Variants in ATP4A observed in about 807,000 individuals in gnomAD.
The protein encoded by ATP4A is ATPase H+/K+ transporting subunit alpha.
ATP4A carries 73 observed loss-of-function variants against 112.1 expected under a neutral mutation model. The observed-to-expected ratio is 0.65, with a 90% CI of 0.54 to 0.79. The LOEUF is 0.79. ATP4A is among the 30% of genes least tolerant of loss of function. The probability of loss-of-function intolerance (pLI) is 0.00; values close to 1 mark genes in which losing one functional copy is unlikely to be tolerated. For missense variants in ATP4A, 1,081 were observed against 1,425.9 expected, an observed-to-expected ratio of 0.76 and a Z score of 3.90; for synonymous variants, 588 against 588.9, an observed-to-expected ratio of 1.00 and a Z score of 0.02.
Position 35,559,007 on chromosome 19 carries a change from G to A in ATP4A, c.1241C>T (p.Thr414Met), listed in dbSNP as rs765215549. Residue 414 changes from threonine to methionine, a missense_variant, in exon 8 of 22, where the codon ACG (threonine) becomes ATG (methionine). Physicochemically the swap from Thr to Met is moderately conservative, Grantham distance 81. Transcript: ENST00000262623. The surrounding 1 kb of genome is among the most constrained non-coding windows in gnomAD (Gnocchi z 4.1). ...CTCCCCCACACCTGACTGGTCTTCC[G>A]TGGTGTCAGCTGTGTGGATGTGGTT... ...FDNHIHTADTTEDQSGQTFDQ... is the reference protein window; with the variant it reads ...FDNHIHTADTMEDQSGQTFDQ... 1.9e-6 allele frequency: 3 copies of A among 1,614,048 alleles called. No homozygotes were observed. Among genetic ancestry groups the A allele is most frequent in the Middle Eastern group, 1.6e-4 (1 of 6,084 alleles).
intron 4 of ATP4A, 110 bp from the exon 5 acceptor site, chr19:35,561,042 C>T (rs1461474719): frequency 1.2e-6 from 1 of 856,454 alleles, no homozygotes; most frequent in East Asian, 2.6e-5. Context: ...CCATGCTTTT[C>T]CCCACCTACT....
At position 35,553,814 on chromosome 19, in the gene ATP4A, G is replaced by C. The variant is rs1437258249; in HGVS notation, c.2497C>G (p.Leu833Val). 6.3e-7 allele frequency: 1 copy of C among 1,583,920 alleles called. No homozygotes were observed. The highest frequency in any genetic ancestry group is 8.6e-7 in the Non-Finnish European group (1 of 1,164,756). Residue 833 changes from leucine (L) to valine (V), a missense_variant, in exon 17 of 22, where the codon CTG becomes GTG. Leu to Val is a conservative substitution (Grantham distance 32). Coordinates refer to ENST00000262623, the MANE Select transcript of ATP4A (RefSeq NM_000704.3). ...TCACTCTCGGCCTTTTCATATGCCA[G>C]GGACACAGATGGGAACTGGCCAGGA... ...LCTDIFPSVS[L>V]AYEKAESDIM...
chr19:35,553,094 C>T lies in ATP4A; in HGVS notation c.2694G>A (p.Arg898=), dbSNP rs200826444. The change falls in exon 18 of 22, where the codon CGG becomes CGA. Residue 898 remains arginine, a synonymous_variant. Coordinates refer to ENST00000262623, the MANE Select transcript of ATP4A (RefSeq NM_000704.3). ...GWFPLLCVGL[R]AQWEDHHLQD... is the part of the protein sequence containing the mutation. ...GTAGGTGGTGGTCCTCCCACTGCGC[C>T]CGCAGCCCCACGCACAGCAGTGGGA... 22 of 1,611,738 alleles carry T rather than the reference C, an allele frequency of 1.4e-5. No individual in the cohort carries two copies. Among genetic ancestry groups the T allele is most frequent in the Non-Finnish European group, 1.9e-5 (22 of 1,178,074 alleles).
rs2146309925 is a variant in ATP4A, at chr19:35,558,266, A to G, written c.1500+96T>C. On this transcript the variant is annotated intron_variant, in intron 10 of 21. Transcript: ENST00000262623. The surrounding 1 kb of genome is among the most constrained non-coding windows in gnomAD (Gnocchi z 5.1). ...GGTTTGGCTGCGGAGAGAAGGGGCAAGGAGCGAAGCCCCTCGTGGCCCGCT... is the reference window on the plus strand; with the variant it reads ...GGTTTGGCTGCGGAGAGAAGGGGCAGGGAGCGAAGCCCCTCGTGGCCCGCT... 6.9e-7 allele frequency: 1 copy of G among 1,439,966 alleles called. No individual in the cohort carries two copies. The highest frequency in any genetic ancestry group is 1.3e-5 in the South Asian group (1 of 74,392). The allele number at this position is 1,439,966 out of a possible 1,614,324, so 89.2% of individuals were successfully genotyped here. A position where few individuals can be genotyped will look rare whatever the true frequency, so the allele number is the denominator to read the frequency against.
chr19:35,563,321 C>T, intron 2 of ATP4A, 53 bp from the exon 3 acceptor site: 1 of 1,613,520 alleles, frequency 6.2e-7, no homozygotes, highest in Non-Finnish European at 8.5e-7. Context: ...TGGCCCCCTC[C>T]CCGCCCACTG....
rs1237426288 is a variant in ATP4A at position 35,550,250 on chromosome 19, T to C, written c.*365A>G. 1 of 311,582 alleles carries C rather than the reference T, an allele frequency of 3.2e-6. No individual in the cohort carries two copies. The highest frequency in any genetic ancestry group is 6.1e-6 in the Non-Finnish European group (1 of 164,856). 19.3% of individuals were successfully genotyped at this position (311,582 alleles called of 1,614,324 possible). On this transcript the variant is annotated 3_prime_UTR_variant, in exon 22 of 22. Coordinates refer to ENST00000262623, the MANE Select transcript of ATP4A (RefSeq NM_000704.3). The surrounding 1 kb of genome is among the most constrained non-coding windows in gnomAD (Gnocchi z 4.1). ...CCATCGCCCAGGACACAAGCGTGTC[T>C]TTAACGAAGGGCCCTCAGGCAGCCG...
intron 18 of ATP4A, 57 bp downstream of exon 18, chr19:35,552,980 C>T: frequency 6.6e-7 from 1 of 1,524,706 alleles, no homozygotes; most frequent in Non-Finnish European, 8.9e-7. Flanking sequence ...GCACACAAGG[C>T]AAGTTGCCCT....
chr19:35,550,842 C>T lies in ATP4A; in HGVS notation c.3071G>A (p.Cys1024Tyr). 3.1e-6 allele frequency: 5 copies of T among 1,614,072 alleles called. No individual in the cohort carries two copies. Among genetic ancestry groups the T allele is most frequent in the Non-Finnish European group, 4.2e-6 (5 of 1,179,934 alleles). ...CCAGTCTCCACACTCACTCCCTGGG[C>T]AACAGCGAACTCCAAGCTTCCGGAT... The part of the protein sequence containing the change: ...DEIRKLGVRC[C>Y]PGSWWDQELY... Residue 1024 changes from cysteine (C) to tyrosine (Y), a missense_variant, in exon 21 of 22, where the codon TGC becomes TAC. Physicochemically the swap from Cys to Tyr is radical, Grantham distance 194. This residue lies in a region of ATP4A where 219 missense variants were observed against 320.9 expected (regional missense o/e 0.68). Coordinates refer to ENST00000262623, the MANE Select transcript of ATP4A (RefSeq NM_000704.3). This position sits in a 1 kb window ranked among gnomAD's most constrained non-coding sequence, Gnocchi z 4.1.
intron 16 of ATP4A, 91 bp downstream of exon 16, chr19:35,554,821 TGTGCCCAAGA>T: frequency 1.3e-6 from 2 of 1,511,068 alleles, no homozygotes; most frequent in Non-Finnish European, 1.8e-6. Context: ...TCTGTCACTC[TGTGCCCAAGA>T]GTGTCTGTGG....
chr19:35,555,217 T>C lies in ATP4A; in HGVS notation c.2275A>G (p.Met759Val), dbSNP rs973681577. ...GSDAAKNAADMILLDDNFASI... is the reference protein window; with the variant it reads ...GSDAAKNAADVILLDDNFASI... ...GCAAAGTTGTCATCCAGCAGGATCA[T>C]GTCAGCTGCATTTTTGGCAGCATCT... Residue 759 changes from methionine (M) to valine (V), a missense_variant, in exon 15 of 22, where the codon ATG becomes GTG. Met to Val is a conservative substitution (Grantham distance 21). This residue lies in a region of ATP4A where 850 missense variants were observed against 1,068.2 expected (regional missense o/e 0.80). Coordinates refer to ENST00000262623, the MANE Select transcript of ATP4A (RefSeq NM_000704.3). This position sits in a 1 kb window ranked among gnomAD's most constrained non-coding sequence, Gnocchi z 6.6. The C allele has an allele frequency of 3.1e-6, 5 of 1,614,062 alleles. No homozygotes were observed. Among genetic ancestry groups the C allele is most frequent in the African/African-American group, 1.3e-5 (1 of 74,940 alleles).
rs374432084 is a variant in ATP4A at position 35,560,280 on chromosome 19, G to T, written c.787+83C>A. The T allele has an allele frequency of 6.3e-7, 1 of 1,578,328 alleles. No homozygotes were observed. On this transcript the variant is annotated intron_variant, in intron 6 of 21. Transcript: ENST00000262623. The surrounding 1 kb of genome is among the most constrained non-coding windows in gnomAD (Gnocchi z 5.1). ...CATGCAGGAGAGAGACAGGGAGGCTGAAGCCCCCTGTCCTAGAAGATAGCA... is the reference window on the plus strand; with the variant it reads ...CATGCAGGAGAGAGACAGGGAGGCTTAAGCCCCCTGTCCTAGAAGATAGCA...
At position 35,558,371 on chromosome 19, in the gene ATP4A, G is replaced by A. The variant is rs367948882; in HGVS notation, c.1491C>T (p.Asn497=). The A allele has an allele frequency of 1.9e-6, 3 of 1,610,724 alleles. No individual in the cohort carries two copies. Among genetic ancestry groups the A allele is most frequent in the African/African-American group, 2.7e-5 (2 of 74,922 alleles). The change falls in exon 10 of 22, where the codon AAC becomes AAT. Residue 497 remains asparagine, a synonymous_variant. Coordinates refer to ENST00000262623, the MANE Select transcript of ATP4A (RefSeq NM_000704.3). The surrounding 1 kb of genome is among the most constrained non-coding windows in gnomAD (Gnocchi z 5.1). ...KVCEIPFNST[N]KFQLSIHTLE... ...GGGGCCGGCTGCGCACCTGGAACTT[G>A]TTGGTGGAGTTGAAGGGTATCTCGC...
Position 35,560,692 on chromosome 19 carries a change from G to T in ATP4A, c.535-77C>A, listed in dbSNP as rs563639410. On this transcript the variant is annotated intron_variant, in intron 5 of 21. Coordinates refer to ENST00000262623, the MANE Select transcript of ATP4A (RefSeq NM_000704.3). The surrounding 1 kb of genome is among the most constrained non-coding windows in gnomAD (Gnocchi z 5.1). ...TGCTGCATGTGGGGAGGTAAAGGATGAGGAGAGCTGGGACCCATGGGGAGA... is the reference window on the plus strand; with the variant it reads ...TGCTGCATGTGGGGAGGTAAAGGATTAGGAGAGCTGGGACCCATGGGGAGA... 2.6e-4 allele frequency: 406 copies of T among 1,589,238 alleles called. No individual in the cohort carries two copies. The highest frequency in any genetic ancestry group is 3.2e-4 in the Non-Finnish European group (373 of 1,163,680).
rs199790968 is a variant in ATP4A, at chr19:35,559,873, G to A, written c.988C>T (p.Arg330Trp). ...ATGGCCATGAAGAAGACCATGGCCC[G>A]CAGGAAGGTGTAGCCAATGCACATG... ...VAMCIGYTFL[R>W]AMVFFMAIVV... is the part of the protein sequence containing the mutation. Residue 330 changes from arginine to tryptophan, a missense_variant, in exon 7 of 22, where the codon CGG becomes TGG. Arg to Trp is a moderately radical substitution (Grantham distance 101). This residue lies in a region of ATP4A where 850 missense variants were observed against 1,068.2 expected (regional missense o/e 0.80). Transcript: ENST00000262623. This position sits in a 1 kb window ranked among gnomAD's most constrained non-coding sequence, Gnocchi z 4.1. 22 of 1,614,118 alleles carry A rather than the reference G, an allele frequency of 1.4e-5. No individual in the cohort carries two copies. Among genetic ancestry groups the A allele is most frequent in the Middle Eastern group, 1.6e-4 (1 of 6,084 alleles).
Position 35,555,209 on chromosome 19 carries a change from C to A in ATP4A, c.2283G>T (p.Leu761=). The change falls in exon 15 of 22, where the codon CTG becomes CTT. Residue 761 remains leucine (L), a synonymous_variant. Transcript: ENST00000262623. This position sits in a 1 kb window ranked among gnomAD's most constrained non-coding sequence, Gnocchi z 6.6. ...CAATGGAGGCAAAGTTGTCATCCAG[C>A]AGGATCATGTCAGCTGCATTTTTGG... ...DAAKNAADMI[L]LDDNFASIVT... 6.2e-7 allele frequency: 1 copy of A among 1,614,176 alleles called. No individual in the cohort carries two copies. The highest frequency in any genetic ancestry group is 8.5e-7 in the Non-Finnish European group (1 of 1,180,040).
chr19:35,557,859 G>GCT lies in ATP4A; in HGVS notation c.1501-13_1501-12insAG, dbSNP rs2071640796. The GCT allele has an allele frequency of 1.4e-6, 2 of 1,473,148 alleles. No homozygotes were observed. The highest frequency in any genetic ancestry group is 2.3e-5 in the Admixed American group (1 of 44,154). 91.3% of individuals were successfully genotyped at this position (1,473,148 alleles called of 1,614,324 possible). A position where few individuals can be genotyped will look rare whatever the true frequency, so the allele number is the denominator to read the frequency against. ...GTATGGATGGACAGCTGTGGGCGGGGGGGAGAGGCGAGGCTGTGGACGGGG... is the reference window on the plus strand; with the variant it reads ...GTATGGATGGACAGCTGTGGGCGGGGCTGGGAGAGGCGAGGCTGTGGACGGGG... On this transcript the variant is annotated splice_polypyrimidine_tract_variant and intron_variant, in intron 10 of 21. Transcript: ENST00000262623. The surrounding 1 kb of genome is among the most constrained non-coding windows in gnomAD (Gnocchi z 4.4).
rs548913385 is a variant in ATP4A, at chr19:35,551,782, C to T, written c.2752-202G>A. ...GACCCCAGAACGTGGGGCCCAGAAA[C>T]CTCAGCCTAGCAGAGCTTGGATGAC... On this transcript the variant is annotated intron_variant, in intron 18 of 21. Transcript: ENST00000262623. This position sits in a 1 kb window ranked among gnomAD's most constrained non-coding sequence, Gnocchi z 5.2. 8.7e-4 allele frequency among the ~76,000 whole-genome samples: 133 copies of T among 152,264 alleles called. No individual in the cohort carries two copies. The highest frequency in any genetic ancestry group is 3.1e-3 in the African/African-American group (129 of 41,546).
In ATP4A at chr19:35,550,576, C is replaced by T. The variant is rs770794795; in HGVS notation, c.*39G>A. 8.7e-6 allele frequency: 14 copies of T among 1,612,726 alleles called. No homozygotes were observed. The highest frequency in any genetic ancestry group is 1.2e-5 in the Non-Finnish European group (14 of 1,178,988). The stretch of plus-strand genomic sequence containing the variant: ...GTCCCACGAGCCCTGCCCCCACCTG[C>T]TGTGGCAGTTGCAGGGATGCTTGAA... On this transcript the variant is annotated 3_prime_UTR_variant, in exon 22 of 22. Transcript: ENST00000262623. The surrounding 1 kb of genome is among the most constrained non-coding windows in gnomAD (Gnocchi z 4.1).
Position 35,559,166 on chromosome 19 carries a change from C to T in ATP4A, c.1082G>A (p.Arg361His). 2 of 1,614,094 alleles carry T rather than the reference C, an allele frequency of 1.2e-6. No individual in the cohort carries two copies. The highest frequency in any genetic ancestry group is 1.1e-5 in the South Asian group (1 of 91,086). ...GACCACGCAGTTCTTACTGGCCAGG[C>T]GCTTGGCTGTCAGGGACAGGCAGAC... The part of the protein sequence containing the change: ...VTVCLSLTAK[R>H]LASKNCVVKN... The change falls in exon 8 of 22, where the codon CGC (arginine) becomes CAC (histidine). Residue 361 changes from arginine to histidine, a missense_variant. Physicochemically the swap from Arg to His is conservative, Grantham distance 29 (BLOSUM62 0). This residue lies in a region of ATP4A where 850 missense variants were observed against 1,068.2 expected (regional missense o/e 0.80). Transcript: ENST00000262623. This position sits in a 1 kb window ranked among gnomAD's most constrained non-coding sequence, Gnocchi z 4.1.
Sources: gnomAD v4.1 joint callset for allele counts (sites outside exome capture counted in the v4.1 genomes callset) on GRCh38, gnomAD v4.1.1 for gene constraint, gnomAD v4.1.1 regional missense constraint, Gnocchi (gnomAD v3.1) non-coding constraint, MANE v1.5 for transcripts, NCBI Gene and HGNC (gene_info 2026-07-23, HGNC 2026-07-21) for gene names.